MID1: variants seen among roughly 807,000 people sequenced by gnomAD.
MID1 encodes the protein E3 ubiquitin-protein ligase Midline-1.
A neutral mutation model predicts 40.4 loss-of-function variants in MID1; 7 were observed. The observed-to-expected ratio is 0.17, with a 90% CI of 0.10 to 0.33. The LOEUF (loss-of-function observed/expected upper bound fraction) is 0.33. MID1 is among the 10% of genes least tolerant of loss of function. MID1 has a pLI of 1.00. For synonymous variants in MID1, 229 were observed against 221.2 expected (o/e 1.04, Z -0.31); for missense variants, 367 against 558.5 (o/e 0.66, Z 3.46).
chrX:10,699,116 T>TATATGAA lies in MID1; in HGVS notation c.-186-78704_-186-78698dup, dbSNP rs1218902555. Among the ~76,000 whole-genome samples the TATATGAA allele has an allele frequency of 2.7e-5, 3 of 112,143 alleles. No individual in the cohort carries two copies. The Admixed American group carries it at 2.8e-4, about 11-fold the overall frequency. The stretch of plus-strand genomic sequence containing the variant: ...TCATTTCTGTGAGATCCCCAATGCT[T>TATATGAA]ATATGAAATAAACTCCATTTTCCTT... On this transcript the variant is annotated intron_variant, in intron 1 of 10. Transcript: ENST00000380785.
chrX:10,595,052 T>C (rs1224561432), intron 1 of MID1, among the ~76,000 whole-genome samples: 1 of 111,463 alleles, frequency 9.0e-6, no homozygotes, highest in Non-Finnish European at 1.9e-5. Context: ...TTGGGTCTAA[T>C]CCCTACCCAA....
rs1928046005 is a variant in MID1 at position 10,446,526 on chromosome X, C to T, written c.*2842G>A. ...GAAAGAATCTTCACCCAGGCCCACC[C>T]TCATCTTAATCCACTATTTAGAGTC... On this transcript the variant is annotated 3_prime_UTR_variant, in exon 10 of 10. Coordinates refer to ENST00000317552, the MANE Select transcript of MID1 (RefSeq NM_000381.4). The T allele has an allele frequency of 8.9e-6, 1 of 112,030 alleles. No homozygotes were observed. Among genetic ancestry groups the T allele is most frequent in the Admixed American group, 9.4e-5 (1 of 10,590 alleles). The allele number at this position is 112,030 out of a possible 1,213,427, so 9.2% of individuals were successfully genotyped here.
chrX:10,478,690 G>A (rs1419738998), intron 5 of MID1, among the ~76,000 whole-genome samples: 1 of 112,271 alleles, frequency 8.9e-6, no homozygotes, highest in Non-Finnish European at 1.9e-5. Context: ...TGTAAAGCTT[G>A]AGGCTCTCTC....
chrX:10,567,716 G>A (rs1452275022), intron 1 of MID1, 113 bp from the exon 2 acceptor site: 7 of 493,075 alleles, frequency 1.4e-5, no homozygotes, highest in African/African-American at 1.2e-4. Flanking sequence ...AAGGGTAAGT[G>A]TGTGTACATT....
intron 4 of MID1, among the ~76,000 whole-genome samples, chrX:10,495,210 T>C (rs1339280715): frequency 2.7e-5 from 3 of 112,039 alleles, no homozygotes; most frequent in African/African-American, 9.7e-5. Context: ...TTTTAATTTA[T>C]GTAATGCTAT....
At chrX:10,830,821 T>C (rs7054582) in intron 1 of MID1, among the ~76,000 whole-genome samples, 3,821 of 111,935 alleles carry the variant, frequency 0.034, 175 homozygotes, top group African/African-American at 0.12. Flanking sequence ...CATACACACA[T>C]TATAGAACAC....
intron 3 of MID1, chrX:10,505,647 G>A: frequency 1.3e-6 from 1 of 750,946 alleles, no homozygotes; most frequent in Non-Finnish European, 1.6e-6. Flanking sequence ...GTGGTCAGAG[G>A]GTAAACAATA....
chrX:10,505,240 CA>C, intron 3 of MID1: 5 of 485,964 alleles, frequency 1.0e-5, no homozygotes, highest in Non-Finnish European at 1.3e-5. Flanking sequence ...ACTTCTGTCA[CA>C]ATTATAATAA....
At chrX:10,508,265 T>G (rs375730171) in intron 3 of MID1, among the ~76,000 whole-genome samples, 13 of 112,489 alleles carry the variant, frequency 1.2e-4, no homozygotes, top group African/African-American at 3.9e-4. Flanking sequence ...TGGCCACCAC[T>G]AGCCACTTGT....
In MID1 at chrX:10,587,641, C is replaced by T. The variant is rs193057702; in HGVS notation, c.-56-20038G>A. ...AAGCATAACAATTGCTTTTGTTTAA[C>T]GTGCACATGGAATATTTGATCCATT... On this transcript the variant is annotated intron_variant, in intron 1 of 9. Coordinates refer to ENST00000317552, the MANE Select transcript of MID1 (RefSeq NM_000381.4). 5.6e-4 allele frequency among the ~76,000 whole-genome samples: 63 copies of T among 112,730 alleles called. 3 individuals carry two copies. The highest frequency in any genetic ancestry group is 1.9e-3 in the African/African-American group (59 of 31,071).
intron 1 of MID1, among the ~76,000 whole-genome samples, chrX:10,701,442 T>C (rs2043193537): frequency 9.0e-6 from 1 of 111,693 alleles, no homozygotes; most frequent in African/African-American, 3.3e-5. Flanking sequence ...CGACCCCCAT[T>C]GTCTCTTCCC....
In MID1 at chrX:10,567,323, G is replaced by A. The variant is rs1347821060; in HGVS notation, c.225C>T (p.Arg75=). The change falls in exon 2 of 10, where the codon CGC becomes CGT. Residue 75 remains arginine (R), a synonymous_variant. Coordinates refer to ENST00000317552, the MANE Select transcript of MID1 (RefSeq NM_000381.4). The stretch of plus-strand genomic sequence containing the variant: ...CGATGATGTTCTGTAGGGTGACGTT[G>A]CGCTTGAGCCCGTCTAGACCTCGCT... ...LSQRGLDGLK[R]NVTLQNIIDR... is the part of the protein sequence containing the mutation. 5.0e-6 allele frequency: 6 copies of A among 1,193,891 alleles called. No individual in the cohort carries two copies. Among genetic ancestry groups the A allele is most frequent in the East Asian group, 3.0e-5 (1 of 33,634 alleles).
intron 1 of MID1, among the ~76,000 whole-genome samples, chrX:10,809,990 A>C (rs1210966959): frequency 1.8e-5 from 2 of 111,793 alleles, no homozygotes; most frequent in African/African-American, 6.5e-5. Context: ...TCTTTTTTTT[A>C]AGTATTTTTA....
chrX:10,643,969 C>T (rs1936233851), intron 1 of MID1, among the ~76,000 whole-genome samples: 1 of 109,302 alleles, frequency 9.1e-6, no homozygotes, highest in African/African-American at 3.3e-5. Flanking sequence ...AACACTTGGA[C>T]ACAGGGTGGG....
chrX:10,651,699 C>T (rs1569138414), intron 1 of MID1, among the ~76,000 whole-genome samples: 2 of 112,507 alleles, frequency 1.8e-5, no homozygotes, highest in Admixed American at 1.9e-4. Context: ...GATAATGGCT[C>T]ACTGCAGCCT....
At chrX:10,746,279 T>A (rs2043556350) in intron 1 of MID1, among the ~76,000 whole-genome samples, 1 of 111,668 alleles carries the variant, frequency 9.0e-6, no homozygotes, top group Non-Finnish European at 1.9e-5. Flanking sequence ...AGCTAAGGGC[T>A]GTTGTACTCC....
At chrX:10,457,677 T>G (rs886457998) in intron 8 of MID1, among the ~76,000 whole-genome samples, 22 of 111,971 alleles carry the variant, frequency 2.0e-4, no homozygotes, top group Middle Eastern at 4.7e-3. Context: ...CTCTTCAATC[T>G]CTCCACCAAT....
At chrX:10,545,373 C>T (rs1280602567) in intron 2 of MID1, among the ~76,000 whole-genome samples, 6 of 111,984 alleles carry the variant, frequency 5.4e-5, no homozygotes, top group Non-Finnish European at 1.1e-4. Context: ...AAGAACATTA[C>T]GGGAAATTTC....
chrX:10,449,548 C>T lies in MID1; in HGVS notation c.1824G>A (p.Leu608=). The change falls in exon 10 of 10, where the codon CTG becomes CTA. Residue 608 remains leucine, a synonymous_variant. Transcript: ENST00000317552. ...AGGCGATAGAGCCGTTATCATAGTCCAGCAGGATGCCCACGCGCCGGAGGT... is the reference window on the plus strand; with the variant it reads ...AGGCGATAGAGCCGTTATCATAGTCTAGCAGGATGCCCACGCGCCGGAGGT... ...APHLRRVGIL[L]DYDNGSIAFY... 1 of 1,211,855 alleles carries T rather than the reference C, an allele frequency of 8.3e-7. No homozygotes were observed.
Sources: allele counts gnomAD v4.1 joint callset (sites outside exome capture counted in the v4.1 genomes callset), GRCh38; gene constraint gnomAD v4.1.1; transcripts MANE v1.5; gene names NCBI Gene and HGNC (gene_info 2026-07-23, HGNC 2026-07-21).